DCBLD1: variants seen among roughly 807,000 people sequenced by gnomAD.
DCBLD1 encodes discoidin, CUB and LCCL domain containing 1.
In DCBLD1, 57 loss-of-function variants were observed where a neutral mutation model predicts 71.5. That is an observed-to-expected ratio of 0.80 (90% confidence interval 0.64 to 0.99). The LOEUF is 0.99. Among genes scored for constraint, DCBLD1 ranks in the 50% least tolerant of loss-of-function variants. The pLI is 0.00. For missense variants in DCBLD1, 891 were observed against 923.5 expected (o/e 0.96, Z 0.46); for synonymous variants, 380 against 363.8 (o/e 1.04, Z -0.51).
chr6:117,512,572 G>T (rs1778057570), intron 2 of DCBLD1, among the ~76,000 whole-genome samples: 2 of 152,190 alleles, frequency 1.3e-5, no homozygotes. Flanking sequence ...CATTTCTGGA[G>T]ATTGTTTTAT....
At chr6:117,569,510 A>G in intron 14 of DCBLD1, 1 of 1,578,826 alleles carries the variant, frequency 6.3e-7, no homozygotes, top group South Asian at 1.2e-5. Flanking sequence ...GGAAGTATAC[A>G]GTGTTCAATA....
In DCBLD1 at chr6:117,482,811, A is replaced by T; in HGVS notation, c.30A>T (p.Ala10=). MVPGARGGG[A]LARAAGRGLL... is the part of the protein sequence containing the mutation. ...TGCCCGGCGCCCGCGGCGGCGGCGCACTGGCGCGGGCTGCCGGGCGGGGCC... is the reference window on the plus strand; with the variant it reads ...TGCCCGGCGCCCGCGGCGGCGGCGCTCTGGCGCGGGCTGCCGGGCGGGGCC... Residue 10 remains alanine (A), a synonymous_variant, in exon 1 of 15, where the codon GCA becomes GCT. Coordinates refer to ENST00000338728, the MANE Select transcript of DCBLD1 (RefSeq NM_001366458.2). 1 of 1,157,060 alleles carries T rather than the reference A, an allele frequency of 8.6e-7. No homozygotes were observed. The highest frequency in any genetic ancestry group is 4.1e-5 in the East Asian group (1 of 24,382). The allele number at this position is 1,157,060 out of a possible 1,614,324, so 71.7% of individuals were successfully genotyped here. A position where few individuals can be genotyped will look rare whatever the true frequency, so the allele number is the denominator to read the frequency against.
chr6:117,556,416 A>C (rs1779496271), intron 14 of DCBLD1, among the ~76,000 whole-genome samples: 1 of 152,058 alleles, frequency 6.6e-6, no homozygotes, highest in Non-Finnish European at 1.5e-5. Context: ...ATTCCACTCT[A>C]TATATGTCCA....
chr6:117,541,945 C>T (rs576686344), intron 11 of DCBLD1, among the ~76,000 whole-genome samples: 1 of 151,958 alleles, frequency 6.6e-6, no homozygotes, highest in Non-Finnish European at 1.5e-5. Flanking sequence ...TTGACCATTC[C>T]CCTGCTGTTG....
rs1779368640 is a variant in DCBLD1 at position 117,548,880 on chromosome 6, T to C, written c.*441T>C. ...TAAATAGTATGTTCATTTTTTTCAG[T>C]ATATTATCTGATACTGTGTTAGCAG... is the stretch of plus-strand genomic sequence containing the variant. On this transcript the variant is annotated 3_prime_UTR_variant, in exon 15 of 15. Transcript: ENST00000338728. The C allele has an allele frequency of 9.9e-7, 1 of 1,014,324 alleles. No individual in the cohort carries two copies. The highest frequency in any genetic ancestry group is 1.2e-6 in the Non-Finnish European group (1 of 847,390). The allele number at this position is 1,014,324 out of a possible 1,614,324, so 62.8% of individuals were successfully genotyped here.
At chr6:117,486,812 A>T (rs753068918) in intron 1 of DCBLD1, among the ~76,000 whole-genome samples, 7 of 152,154 alleles carry the variant, frequency 4.6e-5, no homozygotes, top group Non-Finnish European at 8.8e-5. Context: ...GCAGACTGGT[A>T]CCTGTCACTG....
intron 9 of DCBLD1, 37 bp from the exon 10 acceptor site, chr6:117,540,631 A>G: frequency 1.2e-6 from 2 of 1,612,554 alleles, no homozygotes; most frequent in Non-Finnish European, 1.7e-6. Flanking sequence ...AAAACTCACT[A>G]ATAGAATCTT....
downstream of DCBLD1, chr6:117,549,882 A>G (rs1779397088): frequency 2.0e-6 from 2 of 984,556 alleles, no homozygotes; most frequent in African/African-American, 3.5e-5. Flanking sequence ...GGCAGGTGCC[A>G]CAGTGGAAAG....
intron 14 of DCBLD1, chr6:117,567,068 TATTGTAATTGTAATTTAAAAAGG>T (rs1779712855): frequency 6.8e-7 from 1 of 1,481,148 alleles, no homozygotes; most frequent in Non-Finnish European, 9.1e-7. Flanking sequence ...AAAGTCAAGT[TATTGTAATTGTAATTTAAAAAGG>T]ATTTCCAAAT....
chr6:117,540,604 G>A, intron 9 of DCBLD1, 64 bp from the exon 10 acceptor site: 1 of 1,588,730 alleles, frequency 6.3e-7, no homozygotes, highest in South Asian at 1.1e-5. Context: ...AGGTATAAGT[G>A]GGATGATAAA....
downstream of DCBLD1, among the ~76,000 whole-genome samples, chr6:117,550,781 G>C (rs966948808): frequency 1.3e-5 from 2 of 152,170 alleles, no homozygotes. Context: ...TGGCCACCGG[G>C]TTGACCTCAC....
At chr6:117,537,999 T>G (rs371145447) in intron 7 of DCBLD1, among the ~76,000 whole-genome samples, 32 of 152,202 alleles carry the variant, frequency 2.1e-4, no homozygotes, top group African/African-American at 7.5e-4. Flanking sequence ...AATGAGTATA[T>G]AAAATAAAGG....
intron 11 of DCBLD1, 130 bp from the exon 12 acceptor site, chr6:117,542,994 C>A: frequency 1.3e-6 from 1 of 760,570 alleles, no homozygotes; most frequent in Non-Finnish European, 2.3e-6. Context: ...TCAGTAAATG[C>A]CTAACATGTA....
chr6:117,506,120 G>A (rs1437533566), intron 2 of DCBLD1, among the ~76,000 whole-genome samples: 1 of 151,910 alleles, frequency 6.6e-6, no homozygotes, highest in East Asian at 1.9e-4. Flanking sequence ...CCTATTGTAT[G>A]CCAGGCACCT....
At chr6:117,517,895 G>A (rs916344079) in intron 2 of DCBLD1, among the ~76,000 whole-genome samples, 2 of 152,220 alleles carry the variant, frequency 1.3e-5, no homozygotes, top group Non-Finnish European at 2.9e-5. Flanking sequence ...GTGATGGGAA[G>A]GGTTGCCTTG....
rs1777758824 is a variant in DCBLD1, at chr6:117,504,124, G to A, written c.325+145G>A. 4.6e-6 allele frequency: 4 copies of A among 861,078 alleles called. No individual in the cohort carries two copies. The South Asian group carries it at 5.4e-5, about 12-fold the overall frequency. 53.3% of individuals were successfully genotyped at this position (861,078 alleles called of 1,614,324 possible). ...TAAATTCTTGGGGGTAACTTAGAAGGATACATTTGCTTCATAAGCTGAAAC... is the reference window on the plus strand; with the variant it reads ...TAAATTCTTGGGGGTAACTTAGAAGAATACATTTGCTTCATAAGCTGAAAC... On this transcript the variant is annotated intron_variant, in intron 2 of 14. Transcript: ENST00000338728.
intron 1 of DCBLD1, among the ~76,000 whole-genome samples, chr6:117,488,179 C>T (rs781194899): frequency 6.6e-5 from 10 of 152,194 alleles, no homozygotes; most frequent in Non-Finnish European, 1.2e-4. Flanking sequence ...GCACCCAGTA[C>T]GGTGCCTGGC....
At chr6:117,537,133 C>G in intron 6 of DCBLD1, 52 bp from the exon 7 acceptor site, 1 of 1,593,430 alleles carries the variant, frequency 6.3e-7, no homozygotes. Context: ...ATATTAGTCA[C>G]TAAGATGTAG....
chr6:117,542,257 A>C (rs1293540643), intron 11 of DCBLD1, among the ~76,000 whole-genome samples: 2 of 150,398 alleles, frequency 1.3e-5, no homozygotes, highest in African/African-American at 4.9e-5. Flanking sequence ...ACACCACTGC[A>C]CTCCAGCCTG....
Sources: allele counts gnomAD v4.1 joint callset (sites outside exome capture counted in the v4.1 genomes callset), GRCh38; gene constraint gnomAD v4.1.1; transcripts MANE v1.5; gene names NCBI Gene and HGNC (gene_info 2026-07-23, HGNC 2026-07-21).